Variants in CREBL2 observed in about 807,000 individuals in gnomAD.
The protein encoded by CREBL2 is cAMP responsive element binding protein like 2.
In CREBL2, 4 loss-of-function variants were observed where a neutral mutation model predicts 19.5. The observed-to-expected ratio is 0.20, with a 90% CI of 0.10 to 0.47. The LOEUF (loss-of-function observed/expected upper bound fraction) is 0.47. Among genes scored for constraint, CREBL2 ranks in the 20% least tolerant of loss-of-function variants. CREBL2 has a pLI of 0.98. For synonymous variants in CREBL2, 42 were observed against 46.6 expected (o/e 0.90, Z 0.40); for missense variants, 85 against 145.1 (o/e 0.59, Z 2.13).
At chr12:12,636,433 T>G (rs1320949396) in intron 2 of CREBL2, among the ~76,000 whole-genome samples, 3 of 151,854 alleles carry the variant, frequency 2.0e-5, no homozygotes, top group Non-Finnish European at 4.4e-5. Flanking sequence ...TATTTTTTAT[T>G]TTTTTGAGAT....
At chr12:12,633,979 A>C (rs1945457959) in intron 1 of CREBL2, among the ~76,000 whole-genome samples, 1 of 152,212 alleles carries the variant, frequency 6.6e-6, no homozygotes, top group Admixed American at 6.5e-5. Context: ...TTATTCTTCG[A>C]GGGCGATTTT....
intron 1 of CREBL2, among the ~76,000 whole-genome samples, chr12:12,617,053 C>T (rs112859327): frequency 0.014 from 2,117 of 152,244 alleles, 41 homozygotes; most frequent in African/African-American, 0.048. Flanking sequence ...GAGTTTGCTG[C>T]GAGTTCTCCA....
At position 12,615,635 on chromosome 12, in the gene CREBL2, A is replaced by T. The variant is rs370663076; in HGVS notation, c.15+3448A>T. 9.9e-5 allele frequency: 15 copies of T among 152,188 alleles called. No homozygotes were observed. In the East Asian group the frequency reaches 2.5e-3, roughly 26 times the overall value. The allele number at this position is 152,188 out of a possible 1,614,324, so 9.4% of individuals were successfully genotyped here. A position where few individuals can be genotyped will look rare whatever the true frequency, so the allele number is the denominator to read the frequency against. On this transcript the variant is annotated intron_variant, in intron 1 of 3. Transcript: ENST00000228865. ...GTCTCAGCCTCTGAGTGGGGATTACAGGTGTGTGCCACCATGCCCAGCTAA... is the reference window on the plus strand; with the variant it reads ...GTCTCAGCCTCTGAGTGGGGATTACTGGTGTGTGCCACCATGCCCAGCTAA...
At chr12:12,626,013 G>A (rs146879879) in intron 1 of CREBL2, among the ~76,000 whole-genome samples, 483 of 152,284 alleles carry the variant, frequency 3.2e-3, no homozygotes, top group Non-Finnish European at 3.2e-3. Context: ...ATGAGATAGC[G>A]TGTAGAGTGC....
At position 12,642,268 on chromosome 12, in the gene CREBL2, A is replaced by G. The variant is rs1302541125; in HGVS notation, c.*270A>G. 3.7e-5 allele frequency: 12 copies of G among 321,866 alleles called. No homozygotes were observed. The Admixed American group carries it at 5.0e-4, about 13-fold the overall frequency. The allele number at this position is 321,866 out of a possible 1,614,324, so 19.9% of individuals were successfully genotyped here. On this transcript the variant is annotated 3_prime_UTR_variant, in exon 4 of 4. Coordinates refer to ENST00000228865, the MANE Select transcript of CREBL2 (RefSeq NM_001310.4). ...AACATGTTGTGATGCTTGAAAACACAGGAGTAGAGAAAATCGATGAAGATT... is the reference window on the plus strand; with the variant it reads ...AACATGTTGTGATGCTTGAAAACACGGGAGTAGAGAAAATCGATGAAGATT...
chr12:12,640,615 A>C (rs1945509720), intron 3 of CREBL2, among the ~76,000 whole-genome samples: 1 of 152,172 alleles, frequency 6.6e-6, no homozygotes, highest in African/African-American at 2.4e-5. Flanking sequence ...AGAGTAAAGT[A>C]AAGACAGGCA....
At chr12:12,638,863 C>T (rs116873268) in intron 3 of CREBL2, among the ~76,000 whole-genome samples, 1,544 of 152,198 alleles carry the variant, frequency 0.01, 18 homozygotes, top group Middle Eastern at 0.024. Context: ...AATTGAGAGC[C>T]ATTTAGTACA....
intron 1 of CREBL2, among the ~76,000 whole-genome samples, chr12:12,633,786 G>C (rs1394315081): frequency 6.6e-6 from 1 of 152,168 alleles, no homozygotes; most frequent in Non-Finnish European, 1.5e-5. Flanking sequence ...TACTAATAGT[G>C]ATTTCAAACA....
chr12:12,635,597 G>T (rs1333502120), intron 1 of CREBL2, among the ~76,000 whole-genome samples, 180 bp from the exon 2 acceptor site: 1 of 152,086 alleles, frequency 6.6e-6, no homozygotes, highest in Non-Finnish European at 1.5e-5. Flanking sequence ...GGTTTCAAAA[G>T]TGTCAGAAAA....
chr12:12,637,776 C>T (rs1945486675), intron 3 of CREBL2, 62 bp downstream of exon 3: 1 of 1,499,806 alleles, frequency 6.7e-7, no homozygotes, highest in Non-Finnish European at 9.0e-7. Flanking sequence ...CGCAGTGGCT[C>T]ATGACTGTAA....
chr12:12,632,056 T>C (rs1041037604), intron 1 of CREBL2, among the ~76,000 whole-genome samples: 1 of 147,356 alleles, frequency 6.8e-6, no homozygotes, highest in Non-Finnish European at 1.5e-5. Context: ...TGGATTCATA[T>C]ACTATGCCTT....
intron 1 of CREBL2, among the ~76,000 whole-genome samples, chr12:12,625,170 A>C (rs1945392020): frequency 6.6e-6 from 1 of 152,146 alleles, no homozygotes; most frequent in Non-Finnish European, 1.5e-5. Context: ...CAGGGATGTA[A>C]GTTCTCATTT....
rs1049816693 is a variant in CREBL2 at position 12,644,772 on chromosome 12, C to T, written c.*2774C>T. 4.6e-5 allele frequency: 7 copies of T among 152,566 alleles called. No individual in the cohort carries two copies. The highest frequency in any genetic ancestry group is 9.6e-5 in the African/African-American group (4 of 41,452). 9.5% of individuals were successfully genotyped at this position (152,566 alleles called of 1,614,324 possible). A position where few individuals can be genotyped will look rare whatever the true frequency, so the allele number is the denominator to read the frequency against. On this transcript the variant is annotated 3_prime_UTR_variant, in exon 4 of 4. Transcript: ENST00000228865. ...ATCACTATGTAGCATTCTGTTTTAG[C>T]ATCTTTGAATTATGATCATTTGATT...
intron 1 of CREBL2, among the ~76,000 whole-genome samples, chr12:12,621,330 C>A (rs147570680): frequency 1.2e-4 from 19 of 152,214 alleles, no homozygotes; most frequent in African/African-American, 4.3e-4. Flanking sequence ...ACCAGCCTGA[C>A]TAACATAGAG....
rs1226909847 is a variant in CREBL2, at chr12:12,621,698, T to C, written c.15+9511T>C. 6.6e-5 allele frequency among the ~76,000 whole-genome samples: 10 copies of C among 152,020 alleles called. 1 individual carries two copies. The South Asian group carries it at 1.9e-3, about 28-fold the overall frequency. On this transcript the variant is annotated intron_variant, in intron 1 of 3. Transcript: ENST00000228865. ...TACCTGGTAAACAAGGCTGACAAAT[T>C]TGGGTCAGTATCTTTCAGAGTGGAA...
At position 12,641,976 on chromosome 12, in the gene CREBL2, G is replaced by C. The variant is rs1204974104; in HGVS notation, c.359-18G>C. 3.9e-6 allele frequency: 6 copies of C among 1,532,232 alleles called. No individual in the cohort carries two copies. Among genetic ancestry groups the C allele is most frequent in the Non-Finnish European group, 5.4e-6 (6 of 1,113,430 alleles). The allele number at this position is 1,532,232 out of a possible 1,614,324, so 94.9% of individuals were successfully genotyped here. On this transcript the variant is annotated intron_variant, in intron 3 of 3. Coordinates refer to ENST00000228865, the MANE Select transcript of CREBL2 (RefSeq NM_001310.4). Reference sequence around the variant, plus strand: ...TGACTCTAAAAACATTCTTACATTGGTAACTTTTATTTTTCAGGGTGAAGA... The same window carrying C: ...TGACTCTAAAAACATTCTTACATTGCTAACTTTTATTTTTCAGGGTGAAGA...
chr12:12,632,068 CTTTTTTTTTT>C (rs869253910), intron 1 of CREBL2, among the ~76,000 whole-genome samples: 95 of 80,630 alleles, frequency 1.2e-3, no homozygotes, highest in African/African-American at 4.3e-3. Flanking sequence ...CTATGCCTTT[CTTTTTTTTTT>C]TTTTTTTTTT....
intron 1 of CREBL2, among the ~76,000 whole-genome samples, chr12:12,616,386 A>G (rs1945311659): frequency 6.6e-6 from 1 of 152,260 alleles, no homozygotes; most frequent in African/African-American, 2.4e-5. Flanking sequence ...CCTAAAGGAT[A>G]CACAGGTAAG....
intron 1 of CREBL2, among the ~76,000 whole-genome samples, chr12:12,616,456 C>T (rs1945312184): frequency 6.6e-6 from 1 of 152,170 alleles, no homozygotes; most frequent in African/African-American, 2.4e-5. Context: ...ACTTAGAAAC[C>T]AGCAGCTTTG....
Sources: allele counts gnomAD v4.1 joint callset (sites outside exome capture counted in the v4.1 genomes callset), GRCh38; gene constraint gnomAD v4.1.1; transcripts MANE v1.5; gene names NCBI Gene and HGNC (gene_info 2026-07-23, HGNC 2026-07-21).